Variants in OSBPL8 observed in about 807,000 individuals in gnomAD.
OSBPL8 encodes the protein oxysterol binding protein like 8.
In OSBPL8, 59 loss-of-function variants were observed where a neutral mutation model predicts 125.5. The observed-to-expected ratio is 0.47, with a 90% confidence interval of 0.38 to 0.58. The LOEUF is 0.58. Among genes scored for constraint, OSBPL8 ranks in the 20% least tolerant of loss-of-function variants. The pLI, the probability that OSBPL8 is intolerant of heterozygous loss-of-function variation, is 0.00. For synonymous variants in OSBPL8, 330 were observed against 338.9 expected (o/e 0.97, Z 0.29); for missense variants, 758 against 1,047.8 (o/e 0.72, Z 3.82).
At chr12:76,379,197 T>C (rs1952941281) in intron 15 of OSBPL8, among the ~76,000 whole-genome samples, 1 of 152,192 alleles carries the variant, frequency 6.6e-6, no homozygotes, top group Non-Finnish European at 1.5e-5. Flanking sequence ...ACCATTATTT[T>C]TTAGCTGTAA....
chr12:76,450,842 A>G lies in OSBPL8; in HGVS notation c.217+9T>C. On this transcript the variant is annotated intron_variant, in intron 4 of 23. Transcript: ENST00000261183. ...AACAAGACAAAACATGAAAACCACA[A>G]CTTCCTACCCTGGCTATGAGGACTT... 3 of 1,597,456 alleles carry G rather than the reference A, an allele frequency of 1.9e-6. No homozygotes were observed. Among genetic ancestry groups the G allele is most frequent in the Non-Finnish European group, 2.6e-6 (3 of 1,172,650 alleles).
chr12:76,453,519 G>C (rs1255923675), intron 3 of OSBPL8, among the ~76,000 whole-genome samples: 2 of 152,118 alleles, frequency 1.3e-5, no homozygotes, highest in African/African-American at 4.8e-5. Context: ...GTTATCAACT[G>C]GTCATCAATA....
intron 1 of OSBPL8, among the ~76,000 whole-genome samples, chr12:76,510,816 G>A (rs1289622262): frequency 1.3e-5 from 2 of 151,760 alleles, no homozygotes; most frequent in Non-Finnish European, 2.9e-5. Flanking sequence ...GGGAGCTGGA[G>A]GTTGTGGTGA....
At chr12:76,513,223 T>C (rs374438612) in intron 1 of OSBPL8, among the ~76,000 whole-genome samples, 2 of 151,976 alleles carry the variant, frequency 1.3e-5, no homozygotes, top group African/African-American at 2.4e-5. Flanking sequence ...AATTATGTGA[T>C]TGCTTTCAGA....
At chr12:76,491,142 T>C (rs1326502694) in intron 1 of OSBPL8, among the ~76,000 whole-genome samples, 2 of 152,158 alleles carry the variant, frequency 1.3e-5, no homozygotes, top group Non-Finnish European at 2.9e-5. Context: ...GAGGCACCCC[T>C]GTCAGGAGTT....
intron 1 of OSBPL8, among the ~76,000 whole-genome samples, chr12:76,544,366 A>G (rs1950727266): frequency 6.6e-6 from 1 of 152,214 alleles, no homozygotes; most frequent in African/African-American, 2.4e-5. Flanking sequence ...CTCAAAAGAT[A>G]TAATTTGTCA....
intron 1 of OSBPL8, among the ~76,000 whole-genome samples, chr12:76,530,942 A>G (rs940322596): frequency 6.6e-6 from 1 of 152,232 alleles, no homozygotes; most frequent in Non-Finnish European, 1.5e-5. Flanking sequence ...GAACCCAACT[A>G]TAGACATAAT....
chr12:76,397,257 A>C (rs2136328858), intron 8 of OSBPL8, among the ~76,000 whole-genome samples: 1 of 150,776 alleles, frequency 6.6e-6, no homozygotes, highest in South Asian at 2.1e-4. Flanking sequence ...TTACATCACT[A>C]CAGGAAAGAC....
At chr12:76,374,218 T>G (rs1313177626) in intron 17 of OSBPL8, among the ~76,000 whole-genome samples, 2 of 152,136 alleles carry the variant, frequency 1.3e-5, no homozygotes, top group East Asian at 1.9e-4. Context: ...GAATATACTA[T>G]TGTTCAAGAA....
intron 21 of OSBPL8, among the ~76,000 whole-genome samples, chr12:76,363,878 T>C (rs1255865708): frequency 6.6e-6 from 1 of 152,164 alleles, no homozygotes; most frequent in Non-Finnish European, 1.5e-5. Flanking sequence ...AGAAGACATT[T>C]ATGCAGCCAA....
Position 76,529,756 on chromosome 12 carries a change from A to ATACT in OSBPL8, c.-68+29640_-68+29641insAGTA, listed in dbSNP as rs1950282388. Among the ~76,000 whole-genome samples, 4 of 152,338 alleles carry ATACT rather than the reference A, an allele frequency of 2.6e-5. No homozygotes were observed. The South Asian group carries it at 8.3e-4, about 32-fold the overall frequency. ...TCTGAGATAAGGCTCTAGAGACAGT[A>ATACT]GAGTCTGGATTTTATTCACTGTGAA... On this transcript the variant is annotated intron_variant, in intron 1 of 23. Coordinates refer to ENST00000261183, the MANE Select transcript of OSBPL8 (RefSeq NM_020841.5).
rs1194857318 is a variant in OSBPL8 at position 76,354,269 on chromosome 12, A to C, written c.*1620T>G. 2 of 152,074 alleles carry C rather than the reference A, an allele frequency of 1.3e-5. No individual in the cohort carries two copies. Among genetic ancestry groups the C allele is most frequent in the African/African-American group, 2.4e-5 (1 of 41,450 alleles). 9.4% of individuals were successfully genotyped at this position (152,074 alleles called of 1,614,324 possible). On this transcript the variant is annotated 3_prime_UTR_variant, in exon 24 of 24. Transcript: ENST00000261183. ...ATTTAAAACATCATTTCACATGTACATATGGAATACAGCATTATTTTGCCA... is the reference window on the plus strand; with the variant it reads ...ATTTAAAACATCATTTCACATGTACCTATGGAATACAGCATTATTTTGCCA...
intron 3 of OSBPL8, among the ~76,000 whole-genome samples, chr12:76,453,937 T>C (rs1873714499): frequency 6.6e-6 from 1 of 152,160 alleles, no homozygotes; most frequent in African/African-American, 2.4e-5. Context: ...GCAATAAATG[T>C]ATGAAAAGAT....
In OSBPL8 at chr12:76,484,789, G is replaced by A. The variant is rs59671191; in HGVS notation, c.42+2721C>T. Among the ~76,000 whole-genome samples, 787 of 152,154 alleles carry A rather than the reference G, an allele frequency of 5.2e-3. 9 individuals are homozygous for A. Among genetic ancestry groups the A allele is most frequent in the African/African-American group, 0.018 (749 of 41,504 alleles). On this transcript the variant is annotated intron_variant, in intron 2 of 23. Transcript: ENST00000261183. Reference sequence around the variant, plus strand: ...AGTTAACTCAAAAGTGGACCTCAACGTTAGTTTCAAATACAGAATATTTCA... The same window carrying A: ...AGTTAACTCAAAAGTGGACCTCAACATTAGTTTCAAATACAGAATATTTCA...
intron 3 of OSBPL8, among the ~76,000 whole-genome samples, chr12:76,457,232 C>T (rs187483343): frequency 5.3e-5 from 8 of 152,236 alleles, no homozygotes; most frequent in East Asian, 3.9e-4. Context: ...TACAGTAGTA[C>T]GGTATGTACT....
At chr12:76,378,178 T>G (rs991447884) in intron 16 of OSBPL8, among the ~76,000 whole-genome samples, 2 of 152,260 alleles carry the variant, frequency 1.3e-5, no homozygotes, top group African/African-American at 4.8e-5. Context: ...ATTTGAAAAT[T>G]TGCACATCAG....
intron 1 of OSBPL8, among the ~76,000 whole-genome samples, chr12:76,494,789 T>C (rs1469957032): frequency 6.6e-6 from 1 of 152,218 alleles, no homozygotes. Context: ...TTAAGTTTGA[T>C]ATGTCTATTT....
chr12:76,373,241 A>C, intron 18 of OSBPL8, 103 bp downstream of exon 18: 2 of 675,428 alleles, frequency 3.0e-6, no homozygotes, highest in Non-Finnish European at 4.9e-6. Flanking sequence ...TATGTTAAAT[A>C]GTGATGTTTT....
intron 15 of OSBPL8, among the ~76,000 whole-genome samples, chr12:76,383,478 G>C (rs1424627930): frequency 6.6e-6 from 1 of 151,642 alleles, no homozygotes; most frequent in Non-Finnish European, 1.5e-5. Context: ...TACACACCAC[G>C]TTCCTGATCA....
Sources: allele counts gnomAD v4.1 joint callset (sites outside exome capture counted in the v4.1 genomes callset), GRCh38; gene constraint gnomAD v4.1.1; transcripts MANE v1.5; gene names NCBI Gene and HGNC (gene_info 2026-07-23, HGNC 2026-07-21).